The following GCSH variants were observed in gnomAD, a reference collection of about 807,000 sequenced individuals.
GCSH encodes the protein glycine cleavage system H protein, mitochondrial.
A neutral mutation model predicts 21.3 loss-of-function variants in GCSH; 15 were observed. That is an observed-to-expected ratio of 0.70 (90% confidence interval 0.47 to 1.08). GCSH has a LOEUF of 1.08. GCSH is among the 50% of genes least tolerant of loss of function. The probability of loss-of-function intolerance (pLI) is 0.00; values close to 1 mark genes in which losing one functional copy is unlikely to be tolerated. For missense variants in GCSH, 179 were observed against 217.5 expected, an observed-to-expected ratio of 0.82 and a Z score of 1.11; for synonymous variants, 59 against 84.5, an observed-to-expected ratio of 0.70 and a Z score of 1.66.
At chr16:81,083,057 T>C (rs1972201675) in intron 4 of GCSH, 94 bp from the exon 5 acceptor site, 1 of 814,722 alleles carries the variant, frequency 1.2e-6, no homozygotes, top group Admixed American at 1.7e-5. Context: ...GCCTCAATCT[T>C]GTATTCTTTA....
At chr16:81,094,789 A>G (rs948520179) in intron 1 of GCSH, among the ~76,000 whole-genome samples, 1 of 152,154 alleles carries the variant, frequency 6.6e-6, no homozygotes, top group African/African-American at 2.4e-5. Flanking sequence ...CAGTGTATCA[A>G]ACATTTGGGC....
rs145768524 is a variant in GCSH, at chr16:81,090,626, G to A, written c.203C>T (p.Thr68Ile). ...EWVTTENGIG[T>I]VGISNFAQEA... is the part of the protein sequence containing the mutation. ...CTGTGCAAAATTGCTGATTCCCACT[G>A]TTCCAATGCCATTTTCTGTTGTTAC... Residue 68 changes from threonine (T) to isoleucine (I), a missense_variant, in exon 2 of 5, where the codon ACA becomes ATA. Transcript: ENST00000315467. 3.1e-6 allele frequency: 5 copies of A among 1,611,130 alleles called. No individual in the cohort carries two copies. Among genetic ancestry groups the A allele is most frequent in the Admixed American group, 1.7e-5 (1 of 59,966 alleles).
Position 81,085,720 on chromosome 16 carries a change from C to T in GCSH, c.293-1126G>A, listed in dbSNP as rs1224791384. On this transcript the variant is annotated intron_variant, in intron 3 of 4. Coordinates refer to ENST00000315467, the MANE Select transcript of GCSH (RefSeq NM_004483.5). The stretch of plus-strand genomic sequence containing the variant: ...CTAAAATACAAAAAAATTAGCCGGG[C>T]GTGGTGGTGGGCGCCTATAATCCCA... 5.3e-5 allele frequency among the ~76,000 whole-genome samples: 8 copies of T among 151,944 alleles called. No homozygotes were observed. In the East Asian group the frequency reaches 1.5e-3, roughly 29 times the overall value.
intron 1 of GCSH, among the ~76,000 whole-genome samples, chr16:81,091,882 G>A (rs1294962727): frequency 1.3e-5 from 2 of 152,072 alleles, no homozygotes; most frequent in Non-Finnish European, 2.9e-5. Context: ...ACCTCTCACA[G>A]TGCTGGGATA....
chr16:81,090,714 T>C lies in GCSH; in HGVS notation c.149-34A>G, dbSNP rs755567084. Reference sequence around the variant, plus strand: ...GAAGACCAACATTTCAGAAAAGCAGTAGCATTACTTCTTAAGAAGCACTTT... The same window carrying C: ...GAAGACCAACATTTCAGAAAAGCAGCAGCATTACTTCTTAAGAAGCACTTT... On this transcript the variant is annotated intron_variant, in intron 1 of 4. Coordinates refer to ENST00000315467, the MANE Select transcript of GCSH (RefSeq NM_004483.5). 41 of 1,415,340 alleles carry C rather than the reference T, an allele frequency of 2.9e-5. No individual in the cohort carries two copies. The Admixed American group carries it at 6.2e-4, about 21-fold the overall frequency. The allele number at this position is 1,415,340 out of a possible 1,614,324, so 87.7% of individuals were successfully genotyped here. A position where few individuals can be genotyped will look rare whatever the true frequency, so the allele number is the denominator to read the frequency against.
At chr16:81,087,805 T>C in intron 2 of GCSH, 141 bp from the exon 3 acceptor site, 1 of 698,410 alleles carries the variant, frequency 1.4e-6, no homozygotes. Context: ...TTCTTGAGTT[T>C]TCCTTAAAAT....
At chr16:81,083,169 C>A in intron 4 of GCSH, 1 of 482,216 alleles carries the variant, frequency 2.1e-6, no homozygotes, top group Non-Finnish European at 3.8e-6. Context: ...AGAATAGATT[C>A]CACCATAATA....
intron 1 of GCSH, among the ~76,000 whole-genome samples, chr16:81,094,637 G>C (rs1972463148): frequency 1.3e-5 from 2 of 152,124 alleles, no homozygotes; most frequent in Admixed American, 6.6e-5. Flanking sequence ...CAGACTATTA[G>C]CAAGACAGCA....
chr16:81,085,674 G>A (rs1318691468), intron 3 of GCSH, among the ~76,000 whole-genome samples: 1 of 152,020 alleles, frequency 6.6e-6, no homozygotes, highest in Non-Finnish European at 1.5e-5. Flanking sequence ...TTTGAAACCA[G>A]CCTAGCCAAC....
rs1013276392 is a variant in GCSH, at chr16:81,090,786, C to G, written c.149-106G>C. 7 of 783,800 alleles carry G rather than the reference C, an allele frequency of 8.9e-6. No individual in the cohort carries two copies. In the African/African-American group the frequency reaches 1.2e-4, roughly 13 times the overall value. 48.6% of individuals were successfully genotyped at this position (783,800 alleles called of 1,614,324 possible). The stretch of plus-strand genomic sequence containing the variant: ...GACTTTCCCAGAATTTCTGTTTGAC[C>G]TGTTGACACTACCTTTAAATAGTGC... On this transcript the variant is annotated intron_variant, in intron 1 of 4. Transcript: ENST00000315467.
intron 4 of GCSH, chr16:81,083,829 A>AT (rs1054915198): frequency 1.3e-5 from 2 of 151,970 alleles, no homozygotes; most frequent in Non-Finnish European, 2.9e-5. Flanking sequence ...CAAAATATAT[A>AT]TTTTTTTACC....
At chr16:81,094,962 G>A (rs990316277) in intron 1 of GCSH, among the ~76,000 whole-genome samples, 1 of 151,960 alleles carries the variant, frequency 6.6e-6, no homozygotes, top group African/African-American at 2.4e-5. Context: ...AGGTGGTGAC[G>A]GGCGCCAGTG....
chr16:81,084,384 C>A (rs780387408), intron 4 of GCSH, 79 bp downstream of exon 4: 11 of 1,085,496 alleles, frequency 1.0e-5, no homozygotes, highest in African/African-American at 1.5e-5. Context: ...AAGTCACAAT[C>A]AGCTAAACTT....
intron 3 of GCSH, among the ~76,000 whole-genome samples, chr16:81,087,167 G>A (rs557954178): frequency 3.9e-5 from 6 of 152,002 alleles, no homozygotes; most frequent in African/African-American, 1.4e-4. Context: ...CCAAGTTCCA[G>A]CAATTCTCCT....
intron 2 of GCSH, among the ~76,000 whole-genome samples, chr16:81,089,310 G>C (rs897422591): frequency 7.2e-5 from 11 of 152,164 alleles, no homozygotes; most frequent in African/African-American, 2.7e-4. Flanking sequence ...AATCCAAAAC[G>C]CTCCAATGAG....
At chr16:81,090,382 A>C (rs944161300) in intron 2 of GCSH, among the ~76,000 whole-genome samples, 1 of 151,690 alleles carries the variant, frequency 6.6e-6, no homozygotes, top group South Asian at 2.1e-4. Context: ...ATGCCAGGCT[A>C]ATTTTTTTTT....
intron 1 of GCSH, 23 bp downstream of exon 1, chr16:81,096,108 G>A (rs1355929379): frequency 5.0e-5 from 62 of 1,244,120 alleles, no homozygotes; most frequent in Non-Finnish European, 5.9e-5. Context: ...GGGAGCAGCC[G>A]CCCACGTGCC....
rs538470264 is a variant in GCSH at position 81,090,003 on chromosome 16, GCTT to G, written c.228+595_228+597del. ...ACATGTTTCCTACTTTCAGTGTTAA[GCTT>G]GCAACATCTCTTAAAACACCACATA... On this transcript the variant is annotated intron_variant, in intron 2 of 4. Coordinates refer to ENST00000315467, the MANE Select transcript of GCSH (RefSeq NM_004483.5). 2.4e-3 allele frequency among the ~76,000 whole-genome samples: 365 copies of G among 152,166 alleles called. 2 individuals carry two copies. Among genetic ancestry groups the G allele is most frequent in the African/African-American group, 8.4e-3 (348 of 41,524 alleles).
intron 1 of GCSH, among the ~76,000 whole-genome samples, chr16:81,093,199 G>GTA (rs1972432517): frequency 6.6e-6 from 1 of 151,768 alleles, no homozygotes; most frequent in Admixed American, 6.6e-5. Flanking sequence ...AAAATAGATA[G>GTA]TATATAGTTA....
Sources: allele counts gnomAD v4.1 joint callset (sites outside exome capture counted in the v4.1 genomes callset), GRCh38; gene constraint gnomAD v4.1.1; transcripts MANE v1.5; gene names NCBI Gene and HGNC (gene_info 2026-07-23, HGNC 2026-07-21).